The following CGN variants were observed in gnomAD, a reference collection of about 807,000 sequenced individuals.
CGN encodes the protein cingulin.
A neutral mutation model predicts 157.1 loss-of-function variants in CGN; 121 were observed. That is an observed-to-expected ratio of 0.77 (90% CI 0.66 to 0.90). The LOEUF is 0.90. Ranked by LOEUF, CGN falls within the 40% of genes least tolerant of loss-of-function variation. The pLI is 0.00. For missense variants in CGN, 1,424 were observed against 1,520.9 expected (o/e 0.94, Z 1.06); for synonymous variants, 535 against 607.5 (o/e 0.88, Z 1.76).
chr1:151,533,717 C>T (rs1470608010), intron 14 of CGN, among the ~76,000 whole-genome samples: 1 of 152,090 alleles, frequency 6.6e-6, no homozygotes, highest in African/African-American at 2.4e-5. Flanking sequence ...TCACTTGAAC[C>T]TGGGAGGTGG....
At chr1:151,512,202 G>A (rs1196059156) in intron 1 of CGN, among the ~76,000 whole-genome samples, 3 of 152,142 alleles carry the variant, frequency 2.0e-5, no homozygotes, top group Non-Finnish European at 4.4e-5. Flanking sequence ...GAGAGAGAGA[G>A]AGTACTCCCC....
intron 1 of CGN, among the ~76,000 whole-genome samples, chr1:151,517,865 T>TG (rs2102487997): frequency 6.6e-6 from 1 of 151,812 alleles, no homozygotes; most frequent in Non-Finnish European, 1.5e-5. Context: ...TTTTTTTTTT[T>TG]TTTGAGACAG....
At chr1:151,529,636 A>C (rs1664784058) in intron 11 of CGN, 77 bp downstream of exon 11, 3 of 1,319,126 alleles carry the variant, frequency 2.3e-6, no homozygotes, top group African/African-American at 1.5e-5. Context: ...AGGGTGTGGA[A>C]AGTTACCTGT....
chr1:151,515,358 A>G (rs1328490680), intron 1 of CGN: 1 of 152,180 alleles, frequency 6.6e-6, no homozygotes, highest in East Asian at 1.9e-4. Flanking sequence ...ATCATTGTAT[A>G]TGCCCATATA....
chr1:151,529,651 G>T lies in CGN; in HGVS notation c.2106+92G>T, dbSNP rs1281305740. The T allele has an allele frequency of 2.6e-6, 3 of 1,164,778 alleles. No individual in the cohort carries two copies. In the Admixed American group the frequency reaches 6.5e-5, roughly 25 times the overall value. 72.2% of individuals were successfully genotyped at this position (1,164,778 alleles called of 1,614,324 possible). On this transcript the variant is annotated intron_variant, in intron 11 of 20. Coordinates refer to ENST00000271636, the MANE Select transcript of CGN (RefSeq NM_020770.3). ...AGGGTGTGGAAAGTTACCTGTCATG[G>T]GTATGTACTGACCAGCTCCTGGGTC... is the stretch of plus-strand genomic sequence containing the variant.
At chr1:151,522,640 C>CA (rs113342166) in intron 5 of CGN, among the ~76,000 whole-genome samples, 6 of 138,506 alleles carry the variant, frequency 4.3e-5, no homozygotes, top group African/African-American at 6.4e-5. Context: ...AACAAACAAA[C>CA]AAAAAAAACA....
At chr1:151,529,260 C>A in intron 10 of CGN, 90 bp from the exon 11 acceptor site, 1 of 1,112,368 alleles carries the variant, frequency 9.0e-7, no homozygotes, top group Non-Finnish European at 1.3e-6. Context: ...TTTTTATTCC[C>A]TTGGCAGTGT....
At chr1:151,532,366 T>C in intron 13 of CGN, 36 bp from the exon 14 acceptor site, 2 of 1,465,540 alleles carry the variant, frequency 1.4e-6, no homozygotes, top group Non-Finnish European at 9.0e-7. Flanking sequence ...GGGTCATTTA[T>C]GTACAGTGCT....
At chr1:151,527,179 T>G in intron 10 of CGN, 72 bp downstream of exon 10, 5 of 1,545,520 alleles carry the variant, frequency 3.2e-6, no homozygotes, top group Non-Finnish European at 4.5e-6. Context: ...CATGAGGGCC[T>G]TCTTGCTAGT....
chr1:151,518,756 G>T lies in CGN; in HGVS notation c.237G>T (p.Gly79=). 6.2e-7 allele frequency: 1 copy of T among 1,614,116 alleles called. No individual in the cohort carries two copies. The change falls in exon 2 of 21, where the codon GGG becomes GGT. Residue 79 remains glycine, a synonymous_variant. Transcript: ENST00000271636. ...NSGEKGGDSF[G]VQIKGANDQG... ...GGGAGAAAGGCGGTGACTCCTTTGGGGTCCAAATCAAGGGGGCCAATGACC... is the reference window on the plus strand; with the variant it reads ...GGGAGAAAGGCGGTGACTCCTTTGGTGTCCAAATCAAGGGGGCCAATGACC...
chr1:151,528,783 C>T (rs1373886739), intron 10 of CGN, among the ~76,000 whole-genome samples: 1 of 151,946 alleles, frequency 6.6e-6, no homozygotes, highest in Non-Finnish European at 1.5e-5. Context: ...TTTCATTACC[C>T]CCTCAAAGGC....
chr1:151,531,562 G>A (rs554816752), intron 13 of CGN, among the ~76,000 whole-genome samples: 44 of 152,170 alleles, frequency 2.9e-4, no homozygotes, highest in African/African-American at 1.0e-3. Context: ...GAAGGCTGAC[G>A]TAGGATTGCT....
chr1:151,519,345 A>G lies in CGN; in HGVS notation c.826A>G (p.Ser276Gly), dbSNP rs1204099711. The change falls in exon 2 of 21, where the codon AGT (serine) becomes GGT (glycine). Residue 276 changes from serine (S) to glycine (G), a missense_variant. Physicochemically the swap from Ser to Gly is moderately conservative, Grantham distance 56. This residue lies in a region of CGN where 1,187 missense variants were observed against 1,217.6 expected (regional missense o/e 0.97). Coordinates refer to ENST00000271636, the MANE Select transcript of CGN (RefSeq NM_020770.3). The stretch of plus-strand genomic sequence containing the variant: ...TCAGACTCAGGACTGGGTCCTTCAG[A>G]GTTTTGAGGAGCCGCGGAGGAGTGC... ...SRQTQDWVLQSFEEPRRSAQD... is the reference protein window; with the variant it reads ...SRQTQDWVLQGFEEPRRSAQD... The G allele has an allele frequency of 6.2e-7, 1 of 1,607,470 alleles. No homozygotes were observed. Among genetic ancestry groups the G allele is most frequent in the East Asian group, 2.2e-5 (1 of 44,882 alleles).
At chr1:151,512,699 T>C (rs1664327763) in intron 1 of CGN, among the ~76,000 whole-genome samples, 1 of 152,208 alleles carries the variant, frequency 6.6e-6, no homozygotes, top group South Asian at 2.1e-4. Context: ...GTTGTTGTAA[T>C]TGGGAAATAA....
chr1:151,535,897 A>G lies in CGN; in HGVS notation c.3196A>G (p.Arg1066Gly), dbSNP rs150490428. The change falls in exon 18 of 21, where the codon AGG (arginine) becomes GGG (glycine). Residue 1066 changes from arginine (R) to glycine (G), a missense_variant and splice_region_variant. Around this residue, in one of 3 missense-constraint regions of CGN, gnomAD observed 199 missense variants for 272.2 expected, o/e 0.73. Coordinates refer to ENST00000271636, the MANE Select transcript of CGN (RefSeq NM_020770.3). ...LLQERLQAEE[R>G]EKTVLQSTNR... Reference sequence around the variant, plus strand: ...GCAGGAGCGGCTACAGGCTGAAGAGAGGTGACATAAGCCTATCCTTCCTCC... The same window carrying G: ...GCAGGAGCGGCTACAGGCTGAAGAGGGGTGACATAAGCCTATCCTTCCTCC... The G allele has an allele frequency of 4.4e-6, 7 of 1,607,520 alleles. No individual in the cohort carries two copies. Among genetic ancestry groups the G allele is most frequent in the African/African-American group, 1.3e-5 (1 of 74,760 alleles).
In CGN at chr1:151,524,753, A is replaced by G. The variant is rs750884434; in HGVS notation, c.1481A>G (p.Glu494Gly). The change falls in exon 8 of 21, where the codon GAG becomes GGG. Residue 494 changes from glutamate (E) to glycine (G), a missense_variant. By Grantham distance (98) the Glu-to-Gly change is moderately conservative. Transcript: ENST00000271636. The surrounding 1 kb of genome is among the most constrained non-coding windows in gnomAD (Gnocchi z 4.4). The stretch of plus-strand genomic sequence containing the variant: ...GTAGAGGAGCAGCTGAGGCTGCGGG[A>G]GCGGGAGTTGACAGCCCTGAAGGGG... ...QRVEEQLRLR[E>G]RELTALKGAL... 8.7e-6 allele frequency: 14 copies of G among 1,611,806 alleles called. No homozygotes were observed. The highest frequency in any genetic ancestry group is 1.7e-5 in the Admixed American group (1 of 59,246).
At position 151,532,493 on chromosome 1, in the gene CGN, C is replaced by T; in HGVS notation, c.2663C>T (p.Ala888Val). The T allele has an allele frequency of 6.2e-7, 1 of 1,609,778 alleles. No homozygotes were observed. Among genetic ancestry groups the T allele is most frequent in the Non-Finnish European group, 8.5e-7 (1 of 1,178,584 alleles). ...AAGGAAAAGGCCCGGCGGGAGGTGG[C>T]AGATGCCCAGCGCCAGGCCAAGGAT... The part of the protein sequence containing the change: ...DYKEKARREV[A>V]DAQRQAKDWA... Residue 888 changes from alanine (A) to valine (V), a missense_variant, in exon 14 of 21, where the codon GCA (alanine) becomes GTA (valine). By Grantham distance (64) the Ala-to-Val change is moderately conservative (BLOSUM62 0). Transcript: ENST00000271636.
intron 1 of CGN, among the ~76,000 whole-genome samples, chr1:151,512,521 C>T (rs896933844): frequency 2.6e-5 from 4 of 152,180 alleles, no homozygotes; most frequent in African/African-American, 9.7e-5. Flanking sequence ...AGGCAGGACT[C>T]ATCAGGAGAC....
chr1:151,523,676 A>G (rs1664596250), intron 6 of CGN, 115 bp downstream of exon 6: 1 of 1,069,560 alleles, frequency 9.3e-7, no homozygotes, highest in Non-Finnish European at 1.3e-6. Flanking sequence ...CCAGAAGCTG[A>G]AAGGGGCAGT....
Sources: gnomAD v4.1 joint callset for allele counts (sites outside exome capture counted in the v4.1 genomes callset) on GRCh38, gnomAD v4.1.1 for gene constraint, gnomAD v4.1.1 regional missense constraint, Gnocchi (gnomAD v3.1) non-coding constraint, MANE v1.5 for transcripts, NCBI Gene and HGNC (gene_info 2026-07-23, HGNC 2026-07-21) for gene names.